Variants in DYNC2H1 observed in about 807,000 individuals in gnomAD.
DYNC2H1 encodes cytoplasmic dynein 2 heavy chain 1.
Under a neutral mutation model 570.0 loss-of-function variants are expected in DYNC2H1, and 410 were observed. The ratio of observed to expected loss-of-function variants is 0.72; its 90% CI spans 0.66 to 0.78. The LOEUF is 0.78. Among genes scored for constraint, DYNC2H1 ranks in the 30% least tolerant of loss-of-function variants. The probability of loss-of-function intolerance (pLI) is 0.00; values close to 1 mark genes in which losing one functional copy is unlikely to be tolerated. For synonymous variants in DYNC2H1, 1,688 were observed against 1,677.6 expected, an observed-to-expected ratio of 1.01 and a Z score of -0.15; for missense variants, 4,865 against 5,046.4, an observed-to-expected ratio of 0.96 and a Z score of 1.09.
chr11:103,138,054 T>C (rs563361456), intron 17 of DYNC2H1, among the ~76,000 whole-genome samples: 2,450 of 150,754 alleles, frequency 0.016, 67 homozygotes, highest in African/African-American at 0.056. Context: ...ATAAGAATGC[T>C]TGTGATTTTT....
chr11:103,303,418 A>G (rs928907920), intron 76 of DYNC2H1, among the ~76,000 whole-genome samples, 165 bp downstream of exon 76: 1 of 152,160 alleles, frequency 6.6e-6, no homozygotes, highest in Non-Finnish European at 1.5e-5. Context: ...CCATGGCAAA[A>G]GGAACTTTGC....
At position 103,204,114 on chromosome 11, in the gene DYNC2H1, A is replaced by C. The variant is rs1021336498; in HGVS notation, c.8311+338A>C. 1.1e-4 allele frequency among the ~76,000 whole-genome samples: 16 copies of C among 152,114 alleles called. 2 individuals are homozygous for C. The highest frequency in any genetic ancestry group is 9.2e-4 in the Admixed American group (14 of 15,250). On this transcript the variant is annotated intron_variant, in intron 51 of 88. Coordinates refer to ENST00000375735, the MANE Select transcript of DYNC2H1 (RefSeq NM_001377.3). The surrounding 1 kb of genome is among the most constrained non-coding windows in gnomAD (Gnocchi z 4.1). ...ATATTTTACATGGATGGCAGCAAGC[A>C]AAGGAGGGCTTGTGCAGAAAAACTC...
chr11:103,292,935 C>T (rs7129824), intron 75 of DYNC2H1, among the ~76,000 whole-genome samples: 25,055 of 152,020 alleles, frequency 0.16, 2,219 homozygotes, highest in Admixed American at 0.25. Flanking sequence ...TTCTTTATAG[C>T]GACACAGGAA....
intron 60 of DYNC2H1, among the ~76,000 whole-genome samples, chr11:103,231,742 T>G (rs1184077567): frequency 1.3e-5 from 2 of 152,060 alleles, no homozygotes; most frequent in African/African-American, 4.8e-5. Flanking sequence ...CAGTGTATGT[T>G]GAAGTGATGT....
intron 79 of DYNC2H1, among the ~76,000 whole-genome samples, chr11:103,313,782 T>G (rs1867700353): frequency 6.6e-6 from 1 of 152,172 alleles, no homozygotes; most frequent in South Asian, 2.1e-4. Context: ...TCAATAAACA[T>G]TTGTCAAACA....
chr11:103,384,203 T>C (rs1262466248), intron 83 of DYNC2H1, among the ~76,000 whole-genome samples: 1 of 152,220 alleles, frequency 6.6e-6, no homozygotes, highest in Non-Finnish European at 1.5e-5. Context: ...ATTTTGTTCA[T>C]TTGTTTTATT....
intron 78 of DYNC2H1, among the ~76,000 whole-genome samples, chr11:103,309,971 A>T (rs957765174): frequency 3.3e-5 from 5 of 152,094 alleles, no homozygotes; most frequent in African/African-American, 4.8e-5. Flanking sequence ...TATTTCTTGA[A>T]TCACTATAGG....
chr11:103,146,319 T>TAAAACAA (rs1469442537), intron 18 of DYNC2H1, among the ~76,000 whole-genome samples: 1 of 152,254 alleles, frequency 6.6e-6, no homozygotes, highest in Non-Finnish European at 1.5e-5. Flanking sequence ...AGATTTGTTT[T>TAAAACAA]AACTTTGTAT....
chr11:103,270,858 TGTAG>T (rs1380040735), intron 70 of DYNC2H1, among the ~76,000 whole-genome samples: 1 of 152,210 alleles, frequency 6.6e-6, no homozygotes, highest in Non-Finnish European at 1.5e-5. Flanking sequence ...CACTGTTGAC[TGTAG>T]GTAACTGAAT....
At chr11:103,248,832 A>G (rs768735434) in intron 65 of DYNC2H1, among the ~76,000 whole-genome samples, 18 of 152,066 alleles carry the variant, frequency 1.2e-4, no homozygotes, top group Admixed American at 2.6e-4. Context: ...ATCTAAATAT[A>G]TCCATGTATC....
chr11:103,133,624 A>T lies in DYNC2H1; in HGVS notation c.2023A>T (p.Ile675Phe). ...TAATCCTAAAGAATTAGAAGGCTAT[A>T]TCCAAAAACTCCAAAATGCTGCTGA... is the stretch of plus-strand genomic sequence containing the variant. ...WDNPKELEGY[I>F]QKLQNAAERL... The change falls in exon 14 of 89, where the codon ATC becomes TTC. Residue 675 changes from isoleucine (I) to phenylalanine (F), a missense_variant. Ile to Phe is a conservative substitution (Grantham distance 21). This residue lies in a region of DYNC2H1 where 1,936 missense variants were observed against 1,962.1 expected (regional missense o/e 0.99). Coordinates refer to ENST00000375735, the MANE Select transcript of DYNC2H1 (RefSeq NM_001377.3). The surrounding 1 kb of genome is among the most constrained non-coding windows in gnomAD (Gnocchi z 4.8). 1 of 1,613,136 alleles carries T rather than the reference A, an allele frequency of 6.2e-7. No individual in the cohort carries two copies. Among genetic ancestry groups the T allele is most frequent in the Admixed American group, 1.7e-5 (1 of 59,898 alleles).
chr11:103,153,444 G>C lies in DYNC2H1; in HGVS notation c.3238G>C (p.Ala1080Pro). The C allele has an allele frequency of 1.3e-6, 2 of 1,569,742 alleles. No individual in the cohort carries two copies. Among genetic ancestry groups the C allele is most frequent in the Non-Finnish European group, 8.6e-7 (1 of 1,157,604 alleles). ...CCAACATAATACTCTTGATAAAAGT[G>C]CAAAGTTAATAAAAGAGAAAAAAAT... Reference protein sequence around the residue: ...TGQHNTLDKSAKLIKEKKIEF... With the variant: ...TGQHNTLDKSPKLIKEKKIEF... The change falls in exon 22 of 89, where the codon GCA becomes CCA. Residue 1080 changes from alanine (A) to proline (P), a missense_variant. Coordinates refer to ENST00000375735, the MANE Select transcript of DYNC2H1 (RefSeq NM_001377.3).
chr11:103,432,317 A>G (rs1943920702), intron 84 of DYNC2H1, among the ~76,000 whole-genome samples: 2 of 152,176 alleles, frequency 1.3e-5, no homozygotes, highest in East Asian at 1.9e-4. Context: ...CAAATGCTGA[A>G]TGACTATAGA....
intron 82 of DYNC2H1, among the ~76,000 whole-genome samples, chr11:103,338,879 A>G (rs1234209746): frequency 6.6e-6 from 1 of 152,098 alleles, no homozygotes; most frequent in Admixed American, 6.5e-5. Context: ...ATGCTTATGG[A>G]CATTCATCAT....
chr11:103,368,987 A>G (rs1324258478), intron 83 of DYNC2H1, among the ~76,000 whole-genome samples: 1 of 152,174 alleles, frequency 6.6e-6, no homozygotes, highest in African/African-American at 2.4e-5. Context: ...GCACACACAA[A>G]AACCACCTTT....
chr11:103,287,613 T>G lies in DYNC2H1; in HGVS notation c.11095+8T>G. 1.2e-6 allele frequency: 2 copies of G among 1,605,484 alleles called. No homozygotes were observed. The highest frequency in any genetic ancestry group is 1.7e-6 in the Non-Finnish European group (2 of 1,176,272). ...TTGCATGTAAAACTCTGGGTAAGTG[T>G]GATGCTTTTCAAGAACTAGACCACT... On this transcript the variant is annotated splice_region_variant and intron_variant, in intron 75 of 88. Coordinates refer to ENST00000375735, the MANE Select transcript of DYNC2H1 (RefSeq NM_001377.3).
chr11:103,167,277 TG>T (rs1861364412), intron 31 of DYNC2H1, among the ~76,000 whole-genome samples: 2 of 151,530 alleles, frequency 1.3e-5, no homozygotes, highest in Non-Finnish European at 2.9e-5. Flanking sequence ...TTTTTTTTTT[TG>T]GAGGGCGGGG....
At position 103,328,506 on chromosome 11, in the gene DYNC2H1, G is replaced by C. The variant is rs78823686; in HGVS notation, c.12039+4516G>C. On this transcript the variant is annotated intron_variant, in intron 82 of 88. Transcript: ENST00000375735. ...AATGTACTTAACAAAAAGTAGATTA[G>C]AAAACATTATTTATCATGCACAAAT... Among the ~76,000 whole-genome samples the C allele has an allele frequency of 3.3e-5, 5 of 152,230 alleles. No individual in the cohort carries two copies. In the East Asian group the frequency reaches 9.6e-4, roughly 29 times the overall value.
rs142618993 is a variant in DYNC2H1 at position 103,363,444 on chromosome 11, G to A, written c.12156+5085G>A. Among the ~76,000 whole-genome samples the A allele has an allele frequency of 3.8e-3, 585 of 152,274 alleles. 5 individuals are homozygous for A. The highest frequency in any genetic ancestry group is 0.013 in the African/African-American group (561 of 41,566). On this transcript the variant is annotated intron_variant, in intron 83 of 88. Transcript: ENST00000375735. This position sits in a 1 kb window ranked among gnomAD's most constrained non-coding sequence, Gnocchi z 5.6. ...GGAATTTAGCAATTTCAAAATTGCTGTTAGGGGTTTAGATTAATACTCAAT... is the reference window on the plus strand; with the variant it reads ...GGAATTTAGCAATTTCAAAATTGCTATTAGGGGTTTAGATTAATACTCAAT...
Sources: allele counts gnomAD v4.1 joint callset (sites outside exome capture counted in the v4.1 genomes callset), GRCh38; gene constraint gnomAD v4.1.1; regional missense constraint gnomAD v4.1.1; non-coding constraint Gnocchi (gnomAD v3.1); transcripts MANE v1.5; gene names NCBI Gene and HGNC (gene_info 2026-07-23, HGNC 2026-07-21).